Variants in ADAMTSL3 observed in about 807,000 individuals in gnomAD.
ADAMTSL3 encodes the protein ADAMTS like 3, also known as ADAMTS-like protein 3.
ADAMTSL3 carries 128 observed loss-of-function variants against 201.7 expected under a neutral mutation model. The observed-to-expected ratio is 0.63, with a 90% CI of 0.55 to 0.73. ADAMTSL3 has a LOEUF of 0.73. ADAMTSL3 is among the 30% of genes least tolerant of loss of function. The probability of loss-of-function intolerance (pLI) is 0.00; values close to 1 mark genes in which losing one functional copy is unlikely to be tolerated. For missense variants in ADAMTSL3, 1,990 were observed against 2,119.6 expected (o/e 0.94, Z 1.20); for synonymous variants, 738 against 748.4 (o/e 0.99, Z 0.23).
chr15:83,740,640 A>G (rs752030785), intron 3 of ADAMTSL3, among the ~76,000 whole-genome samples: 68 of 152,220 alleles, frequency 4.5e-4, no homozygotes, highest in Non-Finnish European at 7.9e-4. Flanking sequence ...AAGATGCAAT[A>G]GAGTAACGGC....
At chr15:83,907,197 A>T (rs2065854561) in intron 15 of ADAMTSL3, among the ~76,000 whole-genome samples, 2 of 152,064 alleles carry the variant, frequency 1.3e-5, no homozygotes, top group South Asian at 4.1e-4. Flanking sequence ...TCCATTTTAA[A>T]TGTTTCCTTG....
At chr15:83,951,868 T>C (rs1272870321) in intron 19 of ADAMTSL3, among the ~76,000 whole-genome samples, 1 of 152,166 alleles carries the variant, frequency 6.6e-6, no homozygotes, top group Non-Finnish European at 1.5e-5. Context: ...TTCTTTTCCA[T>C]CTCTGATTTA....
At chr15:83,750,061 T>A (rs2062614082) in intron 3 of ADAMTSL3, among the ~76,000 whole-genome samples, 1 of 152,222 alleles carries the variant, frequency 6.6e-6, no homozygotes, top group Non-Finnish European at 1.5e-5. Flanking sequence ...TTTTGGATAT[T>A]TGTTTATTAA....
At chr15:83,788,291 A>G (rs1465516640) in intron 4 of ADAMTSL3, among the ~76,000 whole-genome samples, 1 of 152,196 alleles carries the variant, frequency 6.6e-6, no homozygotes, top group Non-Finnish European at 1.5e-5. Flanking sequence ...CTGTCTAACA[A>G]GAAATTCAGG....
At chr15:83,864,370 T>A (rs1370936246) in intron 8 of ADAMTSL3, among the ~76,000 whole-genome samples, 5 of 152,176 alleles carry the variant, frequency 3.3e-5, no homozygotes, top group Non-Finnish European at 7.3e-5. Flanking sequence ...CTCAATAAAA[T>A]TCTGGCAAAC....
At chr15:83,830,380 G>C (rs919455012) in intron 6 of ADAMTSL3, among the ~76,000 whole-genome samples, 2 of 152,214 alleles carry the variant, frequency 1.3e-5, no homozygotes, top group Admixed American at 6.5e-5. Context: ...AGGGAGAGGT[G>C]CCCCTGATGG....
At chr15:83,692,497 A>G (rs774040780) in intron 2 of ADAMTSL3, among the ~76,000 whole-genome samples, 1 of 151,874 alleles carries the variant, frequency 6.6e-6, no homozygotes, top group Non-Finnish European at 1.5e-5. Context: ...CATCCTGGCT[A>G]ACACCGTGAA....
In ADAMTSL3 at chr15:83,917,417, G is replaced by GTGTGTGTGTGTA. The variant is rs9329362; in HGVS notation, c.1987+4042_1987+4043insGTGTGTGTATGT. 1.5e-3 allele frequency among the ~76,000 whole-genome samples: 221 copies of GTGTGTGTGTGTA among 146,636 alleles called. 4 individuals carry two copies. Among genetic ancestry groups the GTGTGTGTGTGTA allele is most frequent in the Middle Eastern group, 6.9e-3 (2 of 288 alleles). On this transcript the variant is annotated intron_variant, in intron 16 of 29. Transcript: ENST00000286744. ...CACCAATCTCCAGCTTCCAAAGTGT[G>GTGTGTGTGTGTA]TGTATGTATGTATGTATGTATGTAT...
At chr15:83,948,421 C>T (rs1286076538) in intron 19 of ADAMTSL3, among the ~76,000 whole-genome samples, 1 of 151,618 alleles carries the variant, frequency 6.6e-6, no homozygotes, top group Non-Finnish European at 1.5e-5. Flanking sequence ...TACACACACA[C>T]ACACACACAC....
rs1314104686 is a variant in ADAMTSL3, at chr15:83,654,880, T to A, written c.-34+604T>A. Among the ~76,000 whole-genome samples the A allele has an allele frequency of 6.6e-6, 1 of 152,088 alleles. No individual in the cohort carries two copies. The highest frequency in any genetic ancestry group is 1.5e-5 in the Non-Finnish European group (1 of 68,016). ...CCTCAGGTCGGAAACAGCAGCACAT[T>A]TGCGGATCACATTAGACCAGGCCCT... On this transcript the variant is annotated intron_variant, in intron 1 of 29. Coordinates refer to ENST00000286744, the MANE Select transcript of ADAMTSL3 (RefSeq NM_207517.3). This position sits in a 1 kb window ranked among gnomAD's most constrained non-coding sequence, Gnocchi z 5.3.
At chr15:83,750,571 G>C (rs1489041199) in intron 3 of ADAMTSL3, among the ~76,000 whole-genome samples, 1 of 143,598 alleles carries the variant, frequency 7.0e-6, no homozygotes, top group South Asian at 2.2e-4. Context: ...ACTTTTTTTT[G>C]AGACAGAGTG....
intron 23 of ADAMTSL3, among the ~76,000 whole-genome samples, chr15:83,999,649 A>T (rs2067753986): frequency 6.6e-6 from 1 of 152,182 alleles, no homozygotes; most frequent in Non-Finnish European, 1.5e-5. Flanking sequence ...TGAGCATCTC[A>T]CTGGGTCAAA....
At chr15:83,820,164 C>A in intron 6 of ADAMTSL3, 117 bp downstream of exon 6, 1 of 852,880 alleles carries the variant, frequency 1.2e-6, no homozygotes, top group Non-Finnish European at 1.9e-6. Context: ...TGCTATTGGC[C>A]AGGTACGGTG....
intron 2 of ADAMTSL3, among the ~76,000 whole-genome samples, chr15:83,703,024 C>T (rs1205296966): frequency 1.3e-5 from 2 of 152,290 alleles, no homozygotes; most frequent in South Asian, 2.1e-4. Flanking sequence ...TGAGAACCCA[C>T]CTCTTGCCTC....
chr15:83,901,223 G>T (rs2065718389), intron 15 of ADAMTSL3, among the ~76,000 whole-genome samples: 1 of 152,086 alleles, frequency 6.6e-6, no homozygotes, highest in Non-Finnish European at 1.5e-5. Context: ...GAAGAGTGTT[G>T]GGCTCCTGAC....
At chr15:83,655,397 C>T (rs1366197855) in intron 1 of ADAMTSL3, among the ~76,000 whole-genome samples, 1 of 152,208 alleles carries the variant, frequency 6.6e-6, no homozygotes, top group Admixed American at 6.5e-5. Context: ...TAAACCTTGG[C>T]TCTGTGCTGG....
At chr15:83,967,287 C>T (rs1166158427) in intron 19 of ADAMTSL3, among the ~76,000 whole-genome samples, 1 of 152,210 alleles carries the variant, frequency 6.6e-6, no homozygotes, top group East Asian at 1.9e-4. Flanking sequence ...ACCCCATCAT[C>T]TTAGCCCAAA....
chr15:83,860,321 G>C (rs760992628), intron 8 of ADAMTSL3, among the ~76,000 whole-genome samples: 2 of 152,214 alleles, frequency 1.3e-5, no homozygotes, highest in Non-Finnish European at 2.9e-5. Flanking sequence ...AACCTTATCA[G>C]TGAATATGGC....
rs371382541 is a variant in ADAMTSL3 at position 83,769,493 on chromosome 15, C to CTAAT, written c.190-4027_190-4024dup. On this transcript the variant is annotated intron_variant, in intron 3 of 29. Transcript: ENST00000286744. The stretch of plus-strand genomic sequence containing the variant: ...ATAGAAAATTGAACTGAACAGTGGT[C>CTAAT]TAATTAGAACAGTAAATAGTATGGG... Among the ~76,000 whole-genome samples the CTAAT allele has an allele frequency of 1.3e-4, 20 of 152,268 alleles. No individual in the cohort carries two copies. The East Asian group carries it at 3.9e-3, about 29-fold the overall frequency.
Sources: gnomAD v4.1 joint callset for allele counts (sites outside exome capture counted in the v4.1 genomes callset) on GRCh38, gnomAD v4.1.1 for gene constraint, Gnocchi (gnomAD v3.1) non-coding constraint, MANE v1.5 for transcripts, NCBI Gene and HGNC (gene_info 2026-07-23, HGNC 2026-07-21) for gene names.